Variants in INSC observed in about 807,000 individuals in gnomAD.
INSC encodes INSC spindle orientation adaptor protein, also known as protein inscuteable homolog.
Under a neutral mutation model 58.6 loss-of-function variants are expected in INSC, and 67 were observed. That is an observed-to-expected ratio of 1.14 (90% CI 0.94 to 1.40). INSC has a LOEUF of 1.40. Ranked by LOEUF, INSC falls within the 40% of genes most tolerant of loss-of-function variation. The pLI is 0.00. For synonymous variants in INSC, 262 were observed against 276.1 expected (o/e 0.95, Z 0.51); for missense variants, 714 against 692.0 (o/e 1.03, Z -0.36).
At chr11:15,200,263 T>A (rs1251346987) in intron 6 of INSC, among the ~76,000 whole-genome samples, 1 of 152,098 alleles carries the variant, frequency 6.6e-6, no homozygotes, top group African/African-American at 2.4e-5. Flanking sequence ...GACTTCAGTT[T>A]TTTTGATCAA....
At chr11:15,229,987 A>ATATATATAT (rs1753194618) in intron 9 of INSC, among the ~76,000 whole-genome samples, 2 of 31,864 alleles carry the variant, frequency 6.3e-5, no homozygotes, top group Admixed American at 5.5e-4. Context: ...TATTATATAT[A>ATATATATAT]TATATATATA....
At chr11:15,218,865 C>T (rs561826964) in intron 7 of INSC, among the ~76,000 whole-genome samples, 99 of 152,282 alleles carry the variant, frequency 6.5e-4, no homozygotes, top group African/African-American at 2.2e-3. Context: ...CCATCTACGA[C>T]GCCATTCCTT....
chr11:15,230,027 T>TA (rs1402079079), intron 9 of INSC, among the ~76,000 whole-genome samples: 15 of 64,908 alleles, frequency 2.3e-4, no homozygotes, highest in Non-Finnish European at 3.8e-4. Flanking sequence ...TATATATATA[T>TA]ATATATATAT....
Position 15,225,845 on chromosome 11 carries a change from G to C in INSC, c.1170+17G>C, listed in dbSNP as rs1350955777. 6.2e-7 allele frequency: 1 copy of C among 1,606,790 alleles called. No individual in the cohort carries two copies. The highest frequency in any genetic ancestry group is 8.5e-7 in the Non-Finnish European group (1 of 1,176,614). The stretch of plus-strand genomic sequence containing the variant: ...CGGGACCAGGTAAGACGCCCAGAAG[G>C]CACTGAGCACAGGGCCCATAGCCAT... On this transcript the variant is annotated intron_variant, in intron 9 of 12. Coordinates refer to ENST00000379556, the MANE Select transcript of INSC (RefSeq NM_001042536.3).
chr11:15,267,947 T>G, the INSC span, among the ~76,000 whole-genome samples: 2 of 152,138 alleles, frequency 1.3e-5, no homozygotes, highest in Non-Finnish European at 2.9e-5. Flanking sequence ...TCTGTGCAGC[T>G]CTCTCATCAC....
intron 11 of INSC, among the ~76,000 whole-genome samples, chr11:15,240,184 A>G (rs1852289604): frequency 6.6e-6 from 1 of 152,158 alleles, no homozygotes; most frequent in South Asian, 2.1e-4. Context: ...GAGAAAAAAA[A>G]AGACACAGTT....
intron 7 of INSC, among the ~76,000 whole-genome samples, chr11:15,204,963 G>A (rs535699069): frequency 1.2e-4 from 19 of 152,164 alleles, no homozygotes; most frequent in African/African-American, 4.6e-4. Flanking sequence ...CCCAATTGCT[G>A]CTGTGTCATG....
chr11:15,178,113 G>A (rs1849635481), intron 4 of INSC, among the ~76,000 whole-genome samples: 1 of 152,126 alleles, frequency 6.6e-6, no homozygotes, highest in Non-Finnish European at 1.5e-5. Flanking sequence ...TGTTGATGTG[G>A]ACTGGTAGTC....
downstream of INSC, among the ~76,000 whole-genome samples, chr11:15,249,436 A>T: frequency 6.6e-6 from 1 of 152,184 alleles, no homozygotes; most frequent in East Asian, 1.9e-4. Context: ...TGCTTCAGAA[A>T]GAAGAACCAG....
rs1424702107 is a variant in INSC, at chr11:15,242,149, TG to T, written c.1470+1628del. Among the ~76,000 whole-genome samples the T allele has an allele frequency of 2.0e-5, 3 of 152,338 alleles. No individual in the cohort carries two copies. In the East Asian group the frequency reaches 5.8e-4, roughly 29 times the overall value. On this transcript the variant is annotated intron_variant, in intron 12 of 12. Coordinates refer to ENST00000379556, the MANE Select transcript of INSC (RefSeq NM_001042536.3). ...TGAGAGGAAATTAACATGTAATGAT[TG>T]GCCCCAACTACCACTGCCTGACACT... is the stretch of plus-strand genomic sequence containing the variant.
chr11:15,188,172 G>T, intron 5 of INSC: 1 of 985,404 alleles, frequency 1.0e-6, no homozygotes, highest in Non-Finnish European at 1.2e-6. Context: ...ATCCAGAGGG[G>T]CATTTGCAAG....
upstream of INSC, among the ~76,000 whole-genome samples, chr11:15,111,942 A>T (rs1006365742): frequency 2.0e-5 from 3 of 152,218 alleles, no homozygotes; most frequent in African/African-American, 7.2e-5. Context: ...TGTTCTAAGG[A>T]TTAGAGCAAT....
intron 7 of INSC, among the ~76,000 whole-genome samples, chr11:15,201,335 G>A (rs1426078162): frequency 1.3e-5 from 2 of 152,144 alleles, no homozygotes; most frequent in Non-Finnish European, 2.9e-5. Context: ...CAGATCCTGG[G>A]AGCATTGACT....
intron 2 of INSC, among the ~76,000 whole-genome samples, chr11:15,153,974 T>C: frequency 6.6e-6 from 1 of 152,242 alleles, no homozygotes; most frequent in East Asian, 1.9e-4. Flanking sequence ...TTAGTGGAGT[T>C]CTCACATAGC....
chr11:15,113,144 T>TCTTG (rs1309386471), upstream of INSC, among the ~76,000 whole-genome samples: 6 of 121,646 alleles, frequency 4.9e-5, 1 homozygote, highest in Non-Finnish European at 7.1e-5. Context: ...TTTCTTTCTT[T>TCTTG]CTGTCTCTCT....
At position 15,221,588 on chromosome 11, in the gene INSC, G is replaced by C; in HGVS notation, c.931G>C (p.Val311Leu). 6.2e-7 allele frequency: 1 copy of C among 1,613,862 alleles called. No homozygotes were observed. The part of the protein sequence containing the change: ...VAQVTSPHLP[V>L]TQHLSSFLES... ...CCAGGTCACCTCCCCACACCTGCCC[G>C]TCACCCAGCACCTCAGTAGCTTCCT... is the stretch of plus-strand genomic sequence containing the variant. Residue 311 changes from valine (V) to leucine (L), a missense_variant, in exon 8 of 13, where the codon GTC (valine) becomes CTC (leucine). Coordinates refer to ENST00000379556, the MANE Select transcript of INSC (RefSeq NM_001042536.3).
rs1351717392 is a variant in INSC, at chr11:15,189,157, G to A, written c.580-1544G>A. On this transcript the variant is annotated intron_variant, in intron 5 of 12. Coordinates refer to ENST00000379556, the MANE Select transcript of INSC (RefSeq NM_001042536.3). ...CAAAAGGGAGAGCCACTTACCTTGA[G>A]CCTCAAAGCTCGTAATTTTAATCAT... 2.0e-5 allele frequency among the ~76,000 whole-genome samples: 3 copies of A among 152,194 alleles called. No individual in the cohort carries two copies. In the East Asian group the frequency reaches 5.8e-4, roughly 29 times the overall value.
intron 2 of INSC, among the ~76,000 whole-genome samples, chr11:15,155,447 T>G (rs1848782817): frequency 1.3e-5 from 2 of 152,342 alleles, no homozygotes; most frequent in Admixed American, 1.3e-4. Context: ...TTACAATTAT[T>G]TAGTAAATCT....
intron 2 of INSC, among the ~76,000 whole-genome samples, chr11:15,156,491 C>T (rs1253846581): frequency 1.3e-5 from 2 of 152,158 alleles, no homozygotes; most frequent in Admixed American, 1.3e-4. Flanking sequence ...GGCCAAGTCA[C>T]CCAGCCTACC....
Sources: gnomAD v4.1 joint callset for allele counts (sites outside exome capture counted in the v4.1 genomes callset) on GRCh38, gnomAD v4.1.1 for gene constraint, MANE v1.5 for transcripts, NCBI Gene and HGNC (gene_info 2026-07-23, HGNC 2026-07-21) for gene names.